The following ATP11B variants were observed in gnomAD, a reference collection of about 807,000 sequenced individuals.
ATP11B encodes ATPase phospholipid transporting 11B (putative), also known as phospholipid-transporting ATPase IF.
In ATP11B, 81 loss-of-function variants were observed where a neutral mutation model predicts 157.8. The observed-to-expected ratio is 0.51, with a 90% CI of 0.43 to 0.62. The LOEUF is 0.62. Ranked by LOEUF, ATP11B falls within the 20% of genes least tolerant of loss-of-function variation. The pLI is 0.00. For missense variants in ATP11B, 1,165 were observed against 1,402.2 expected (o/e 0.83, Z 2.70); for synonymous variants, 451 against 469.4 (o/e 0.96, Z 0.51).
chr3:182,892,071 T>C (rs1723212201), intron 25 of ATP11B, among the ~76,000 whole-genome samples: 1 of 152,228 alleles, frequency 6.6e-6, no homozygotes, highest in Admixed American at 6.5e-5. Context: ...CCACCCGGTC[T>C]AATTCTCCCA....
chr3:182,883,456 C>T (rs902717262), intron 21 of ATP11B, among the ~76,000 whole-genome samples: 12 of 151,562 alleles, frequency 7.9e-5, no homozygotes, highest in Non-Finnish European at 1.8e-4. Context: ...TGGGTTTTCA[C>T]CATTTTGGCC....
At chr3:182,872,260 T>C in intron 17 of ATP11B, 96 bp from the exon 18 acceptor site, 1 of 807,056 alleles carries the variant, frequency 1.2e-6, no homozygotes, top group Non-Finnish European at 2.0e-6. Context: ...TGACTTTTGG[T>C]ACTAGGTCTT....
At chr3:182,809,321 C>A (rs1487595522) in intron 1 of ATP11B, among the ~76,000 whole-genome samples, 1 of 151,942 alleles carries the variant, frequency 6.6e-6, no homozygotes, top group Non-Finnish European at 1.5e-5. Context: ...CCATCTCCGC[C>A]TACTGCAACC....
At chr3:182,896,832 C>A in intron 26 of ATP11B, 67 bp downstream of exon 26, 2 of 1,196,016 alleles carry the variant, frequency 1.7e-6, no homozygotes, top group Non-Finnish European at 2.4e-6. Flanking sequence ...TAACTTTCTT[C>A]ATTTCTTTAG....
chr3:182,848,393 G>A, intron 9 of ATP11B, 83 bp from the exon 10 acceptor site: 1 of 799,038 alleles, frequency 1.3e-6, no homozygotes, highest in Non-Finnish European at 1.8e-6. Context: ...TACACTAAAA[G>A]CTTTCATGCT....
chr3:182,837,197 CTTATT>C (rs1718621137), intron 7 of ATP11B, 23 bp downstream of exon 7: 4 of 1,498,816 alleles, frequency 2.7e-6, no homozygotes, highest in Non-Finnish European at 3.7e-6. Flanking sequence ...ATTCAGTATA[CTTATT>C]TTAAGTCCTA....
chr3:182,896,697 T>C lies in ATP11B; in HGVS notation c.2983-3T>C. The C allele has an allele frequency of 1.9e-6, 3 of 1,609,786 alleles. No homozygotes were observed. Among genetic ancestry groups the C allele is most frequent in the East Asian group, 2.2e-5 (1 of 44,752 alleles). Reference sequence around the variant, plus strand: ...AATGTAATAGTGTATTCTTTCTGTTTAGATGTTTGGAAACTGGACATTTGG... The same window carrying C: ...AATGTAATAGTGTATTCTTTCTGTTCAGATGTTTGGAAACTGGACATTTGG... On this transcript the variant is annotated splice_region_variant and splice_polypyrimidine_tract_variant and intron_variant, in intron 25 of 29. Coordinates refer to ENST00000323116, the MANE Select transcript of ATP11B (RefSeq NM_014616.3).
At chr3:182,834,140 G>T (rs1338377547) in intron 4 of ATP11B, among the ~76,000 whole-genome samples, 1 of 152,150 alleles carries the variant, frequency 6.6e-6, no homozygotes, top group Non-Finnish European at 1.5e-5. Context: ...TCATCTGACT[G>T]TAAAGAAAAG....
At chr3:182,813,711 A>G (rs1228878442) in intron 1 of ATP11B, among the ~76,000 whole-genome samples, 1 of 151,972 alleles carries the variant, frequency 6.6e-6, no homozygotes, top group Non-Finnish European at 1.5e-5. Flanking sequence ...TTTGGTAGAC[A>G]TTTGTTTTTT....
intron 10 of ATP11B, among the ~76,000 whole-genome samples, chr3:182,850,352 A>T (rs566835439): frequency 1.3e-5 from 2 of 152,254 alleles, no homozygotes; most frequent in South Asian, 4.2e-4. Flanking sequence ...GGGTGCCTGT[A>T]GTCCCAGCTA....
intron 28 of ATP11B, among the ~76,000 whole-genome samples, chr3:182,911,890 A>T (rs1724819192): frequency 6.6e-6 from 1 of 152,178 alleles, no homozygotes; most frequent in Non-Finnish European, 1.5e-5. Context: ...GGTAGGATTT[A>T]AGCTGAACGC....
At chr3:182,799,798 C>G (rs1715867739) in intron 1 of ATP11B, among the ~76,000 whole-genome samples, 1 of 151,836 alleles carries the variant, frequency 6.6e-6, no homozygotes, top group African/African-American at 2.4e-5. Flanking sequence ...TGGAGTTTCT[C>G]TGTTATAAAA....
chr3:182,884,049 G>A (rs1011607812), intron 21 of ATP11B, among the ~76,000 whole-genome samples: 4 of 150,878 alleles, frequency 2.7e-5, no homozygotes, highest in Non-Finnish European at 5.9e-5. Flanking sequence ...ATACATTTTG[G>A]AACACTTTCA....
chr3:182,846,186 C>A (rs548142660), intron 9 of ATP11B, among the ~76,000 whole-genome samples: 26 of 152,206 alleles, frequency 1.7e-4, no homozygotes, highest in African/African-American at 6.0e-4. Context: ...GTGTTACCCA[C>A]TGGCTGTCTG....
At chr3:182,870,387 C>T (rs1054820313) in intron 17 of ATP11B, among the ~76,000 whole-genome samples, 1 of 152,222 alleles carries the variant, frequency 6.6e-6, no homozygotes, top group African/African-American at 2.4e-5. Flanking sequence ...CACCTCTGCT[C>T]ATCTGCCTTC....
Position 182,910,071 on chromosome 3 carries a change from C to CAAAAA in ATP11B, c.3319-3789_3319-3788insAAAAA, listed in dbSNP as rs1281546191. 6.9e-5 allele frequency among the ~76,000 whole-genome samples: 5 copies of CAAAAA among 72,308 alleles called. 1 individual carries two copies. The highest frequency in any genetic ancestry group is 1.5e-4 in the Admixed American group (1 of 6,468). The allele number at this position is 72,308 out of a possible 152,430, so 47.4% of individuals were successfully genotyped here. On this transcript the variant is annotated intron_variant, in intron 28 of 29. Coordinates refer to ENST00000323116, the MANE Select transcript of ATP11B (RefSeq NM_014616.3). Reference sequence around the variant, plus strand: ...GGGCAACAGAGTGAGACTCGGCCTCCAGAAAAAAAAAAAAAAAAAAAAAAG... The same window carrying CAAAAA: ...GGGCAACAGAGTGAGACTCGGCCTCCAAAAAAGAAAAAAAAAAAAAAAAAAAAAAG...
In ATP11B at chr3:182,874,027, G is replaced by A; in HGVS notation, c.2252+12G>A. On this transcript the variant is annotated intron_variant, in intron 19 of 29. Coordinates refer to ENST00000323116, the MANE Select transcript of ATP11B (RefSeq NM_014616.3). ...CAGCTTGCCAGAAGGTAAGAATATA[G>A]GAACCTGTATCATACCTTTCAGGGG... The A allele has an allele frequency of 6.2e-7, 1 of 1,610,872 alleles. No homozygotes were observed.
At chr3:182,841,313 A>C (rs73883913) in intron 7 of ATP11B, among the ~76,000 whole-genome samples, 5,299 of 152,212 alleles carry the variant, frequency 0.035, 315 homozygotes, top group African/African-American at 0.12. Context: ...CATCTCTCCC[A>C]CTAGAATGTA....
chr3:182,911,714 G>A (rs148420295), intron 28 of ATP11B, among the ~76,000 whole-genome samples: 88 of 152,224 alleles, frequency 5.8e-4, no homozygotes, highest in African/African-American at 2.0e-3. Context: ...TTAGCTCACC[G>A]GATTGAGCAC....
Sources: allele counts gnomAD v4.1 joint callset (sites outside exome capture counted in the v4.1 genomes callset), GRCh38; gene constraint gnomAD v4.1.1; transcripts MANE v1.5; gene names NCBI Gene and HGNC (gene_info 2026-07-23, HGNC 2026-07-21).